RPL19: variants seen among roughly 807,000 people sequenced by gnomAD.
RPL19 encodes the protein ribosomal protein L19.
A neutral mutation model predicts 25.1 loss-of-function variants in RPL19; 2 were observed. That is an observed-to-expected ratio of 0.08 (90% CI 0.03 to 0.25). The LOEUF is 0.25. Among genes scored for constraint, RPL19 ranks in the 10% least tolerant of loss-of-function variants. The pLI, the probability that RPL19 is intolerant of heterozygous loss-of-function variation, is 1.00. For missense variants in RPL19, 123 were observed against 271.8 expected, an observed-to-expected ratio of 0.45 and a Z score of 3.85; for synonymous variants, 89 against 91.2, an observed-to-expected ratio of 0.98 and a Z score of 0.14.
intron 3 of RPL19, 51 bp downstream of exon 3, chr17:39,202,490 C>G: frequency 6.2e-7 from 1 of 1,600,510 alleles, no homozygotes; most frequent in Non-Finnish European, 8.6e-7. Context: ...GGCATCTATG[C>G]TGAAATATAT....
chr17:39,200,513 G>C, intron 1 of RPL19, 164 bp downstream of exon 1: 1 of 1,295,408 alleles, frequency 7.7e-7, no homozygotes, highest in Non-Finnish European at 9.8e-7. Context: ...GGCCTCCGGA[G>C]TGAGGGGGGG....
At chr17:39,200,421 T>G in intron 1 of RPL19, 72 bp downstream of exon 1, 1 of 1,315,788 alleles carries the variant, frequency 7.6e-7, no homozygotes, top group Admixed American at 3.2e-5. Context: ...GGACCGCAGC[T>G]GGGGTTGGGG....
chr17:39,202,961 G>T (rs2046300952), intron 3 of RPL19, 28 bp from the exon 4 acceptor site: 1 of 1,613,502 alleles, frequency 6.2e-7, no homozygotes, highest in Non-Finnish European at 8.5e-7. Context: ...CTGGGTAGTG[G>T]CCCGTTCCTA....
chr17:39,202,910 C>A, intron 3 of RPL19, 79 bp from the exon 4 acceptor site: 1 of 1,529,646 alleles, frequency 6.5e-7, no homozygotes, highest in Non-Finnish European at 9.0e-7. Flanking sequence ...AGGACCCTGA[C>A]TTGAAACTAT....
intron 1 of RPL19, chr17:39,200,855 A>C: frequency 1.3e-6 from 1 of 757,590 alleles, no homozygotes; most frequent in Non-Finnish European, 1.7e-6. Flanking sequence ...TAAGCCCAGA[A>C]AACAGAGTAA....
chr17:39,200,833 A>G, intron 1 of RPL19: 3 of 911,952 alleles, frequency 3.3e-6, no homozygotes, highest in African/African-American at 1.8e-5. Context: ...TTACTGTGAT[A>G]AAACAGGGAA....
At chr17:39,203,989 G>C (rs896231932) in intron 4 of RPL19, 88 bp from the exon 5 acceptor site, 1 of 735,142 alleles carries the variant, frequency 1.4e-6, no homozygotes, top group African/African-American at 1.7e-5. Flanking sequence ...GAAGCTACAA[G>C]CTTAGTGACC....
rs1168674403 is a variant in RPL19 at position 39,202,690 on chromosome 17, A to G, written c.235+251A>G. 6.6e-6 allele frequency: 4 copies of G among 601,818 alleles called. No individual in the cohort carries two copies. The South Asian group carries it at 8.2e-5, about 12-fold the overall frequency. The allele number at this position is 601,818 out of a possible 1,614,324, so 37.3% of individuals were successfully genotyped here. A position where few individuals can be genotyped will look rare whatever the true frequency, so the allele number is the denominator to read the frequency against. ...GGATTCTGTACTTTCTAGTTTCAGA[A>G]TGATCGAAGGAAGCTCCTTACAACG... On this transcript the variant is annotated intron_variant, in intron 3 of 5. Transcript: ENST00000225430.
Position 39,201,167 on chromosome 17 carries a change from C to A in RPL19, c.6-46C>A, listed in dbSNP as rs113952166. 1.5e-3 allele frequency: 2,007 copies of A among 1,327,630 alleles called. 29 individuals carry two copies. In the African/African-American group the frequency reaches 0.026, roughly 17 times the overall value. The allele number at this position is 1,327,630 out of a possible 1,614,324, so 82.2% of individuals were successfully genotyped here. A position where few individuals can be genotyped will look rare whatever the true frequency, so the allele number is the denominator to read the frequency against. ...GTCTTGATGGGGACGTTCATTCTTG[C>A]CCAGGATTGGCTTTCAGAGTCTAAT... On this transcript the variant is annotated intron_variant, in intron 1 of 5. Transcript: ENST00000225430.
intron 1 of RPL19, chr17:39,200,774 C>G (rs1420181429): frequency 1.9e-6 from 2 of 1,046,098 alleles, no homozygotes. Context: ...CCATTCACTC[C>G]TTTGGCCTCT....
chr17:39,200,463 G>A (rs1235340102), intron 1 of RPL19, 114 bp downstream of exon 1: 2 of 1,326,436 alleles, frequency 1.5e-6, no homozygotes, highest in African/African-American at 1.5e-5. Flanking sequence ...TAAAGCGGCC[G>A]GTCCCGGGGT....
intron 2 of RPL19, 74 bp downstream of exon 2, chr17:39,201,393 G>T: frequency 4.6e-6 from 4 of 877,144 alleles, no homozygotes; most frequent in Admixed American, 2.5e-5. Context: ...TAACACAATT[G>T]TGTTGACTTT....
At chr17:39,202,679 C>A (rs1029485804) in intron 3 of RPL19, 1 of 607,360 alleles carries the variant, frequency 1.6e-6, no homozygotes. Context: ...TCTGTACTTT[C>A]TAGTTTCAGA....
In RPL19 at chr17:39,202,635, T is replaced by G. The variant is rs1012782755; in HGVS notation, c.235+196T>G. The G allele has an allele frequency of 7.5e-6, 5 of 665,022 alleles. No homozygotes were observed. The African/African-American group carries it at 9.1e-5, about 12-fold the overall frequency. 41.2% of individuals were successfully genotyped at this position (665,022 alleles called of 1,614,324 possible). On this transcript the variant is annotated intron_variant, in intron 3 of 5. Coordinates refer to ENST00000225430, the MANE Select transcript of RPL19 (RefSeq NM_000981.4). ...AGAGTATCCCTGGTAGGAGGTCACA[T>G]TTACTAAGTCCCTACCTACACTATG...
chr17:39,202,619 C>A, intron 3 of RPL19, 180 bp downstream of exon 3: 1 of 727,984 alleles, frequency 1.4e-6, no homozygotes, highest in Non-Finnish European at 2.2e-6. Flanking sequence ...GAGAGTATCC[C>A]TGGTAGGAGG....
chr17:39,200,332 T>C lies in RPL19; in HGVS notation c.-13T>C. The stretch of plus-strand genomic sequence containing the variant: ...CGAGCGAGCTCTTTCCTTTCGCTGC[T>C]GCGGCCGCAGCCATGAGGTGAGGGC... On this transcript the variant is annotated 5_prime_UTR_variant, in exon 1 of 6. Coordinates refer to ENST00000225430, the MANE Select transcript of RPL19 (RefSeq NM_000981.4). The C allele has an allele frequency of 6.4e-7, 1 of 1,557,486 alleles. No homozygotes were observed.
At chr17:39,200,755 C>T (rs987223183) in intron 1 of RPL19, 2 of 1,050,550 alleles carry the variant, frequency 1.9e-6, no homozygotes, top group Admixed American at 5.0e-5. Flanking sequence ...TGATCTCTAA[C>T]TCTTGACTCC....
At chr17:39,201,635 G>A (rs900207014) in intron 2 of RPL19, among the ~76,000 whole-genome samples, 1 of 152,032 alleles carries the variant, frequency 6.6e-6, no homozygotes, top group East Asian at 1.9e-4. Flanking sequence ...TGCAGTGGTA[G>A]GATCTCAGCT....
rs1474345271 is a variant in RPL19 at position 39,202,883 on chromosome 17, G to A, written c.236-106G>A. ...GTAATGCTACTTAAAATGAGGTTGT[G>A]AGGATTAAATGAGTTAAGGACCCTG... On this transcript the variant is annotated intron_variant, in intron 3 of 5. Coordinates refer to ENST00000225430, the MANE Select transcript of RPL19 (RefSeq NM_000981.4). The A allele has an allele frequency of 2.4e-6, 3 of 1,248,804 alleles. No individual in the cohort carries two copies. The African/African-American group carries it at 4.5e-5, about 19-fold the overall frequency. 77.4% of individuals were successfully genotyped at this position (1,248,804 alleles called of 1,614,324 possible).
Sources: gnomAD v4.1 joint callset for allele counts (sites outside exome capture counted in the v4.1 genomes callset) on GRCh38, gnomAD v4.1.1 for gene constraint, MANE v1.5 for transcripts, NCBI Gene and HGNC (gene_info 2026-07-23, HGNC 2026-07-21) for gene names.